FRRS1L: variants seen among roughly 807,000 people sequenced by gnomAD.
FRRS1L encodes the protein ferric chelate reductase 1 like.
In FRRS1L, 22 loss-of-function variants were observed where a neutral mutation model predicts 28.6. The observed-to-expected ratio is 0.77, with a 90% CI of 0.55 to 1.10. The LOEUF (loss-of-function observed/expected upper bound fraction) is 1.10. FRRS1L is among the 50% of genes least tolerant of loss of function. The pLI is 0.00. For missense variants in FRRS1L, 380 were observed against 386.9 expected (o/e 0.98, Z 0.15); for synonymous variants, 158 against 151.4 (o/e 1.04, Z -0.32).
In FRRS1L at chr9:109,147,092, C is replaced by G. The variant is rs749136221; in HGVS notation, c.421G>C (p.Asp141His). Reference protein sequence around the residue: ...DVEFELSADTDGWVAVGFSSD... With the variant: ...DVEFELSADTHGWVAVGFSSD... The stretch of plus-strand genomic sequence containing the variant: ...GAGAATCCAACTGCTACCCAACCAT[C>G]TGTGTCTGCACTCAGCTCAAATTCT... The change falls in exon 3 of 5, where the codon GAT (aspartate) becomes CAT (histidine). Residue 141 changes from aspartate (D) to histidine (H), a missense_variant. Coordinates refer to ENST00000561981, the MANE Select transcript of FRRS1L (RefSeq NM_014334.4). The G allele has an allele frequency of 1.9e-6, 3 of 1,613,990 alleles. No individual in the cohort carries two copies. In the South Asian group the frequency reaches 3.3e-5, roughly 18 times the overall value.
In FRRS1L at chr9:109,147,138, G is replaced by A. The variant is rs1229623829; in HGVS notation, c.375C>T (p.Tyr125=). ...NAETCDYFLS[Y]RMIGADVEFE... ...ATTCTACATCAGCCCCTATCATCCG[G>A]TAGCTGAGGAAATAGTCACAGGTCT... Residue 125 remains tyrosine, a synonymous_variant, in exon 3 of 5, where the codon TAC becomes TAT. Coordinates refer to ENST00000561981, the MANE Select transcript of FRRS1L (RefSeq NM_014334.4). 1 of 1,613,222 alleles carries A rather than the reference G, an allele frequency of 6.2e-7. No individual in the cohort carries two copies. Among genetic ancestry groups the A allele is most frequent in the Admixed American group, 1.7e-5 (1 of 59,994 alleles).
intron 3 of FRRS1L, among the ~76,000 whole-genome samples, chr9:109,144,076 G>A (rs1279284982): frequency 8.5e-5 from 13 of 152,064 alleles, no homozygotes; most frequent in Admixed American, 8.5e-4. Flanking sequence ...AATGCATTTA[G>A]GACAGGAAGT....
At chr9:109,149,163 T>C (rs573478412) in intron 2 of FRRS1L, among the ~76,000 whole-genome samples, 24 of 152,320 alleles carry the variant, frequency 1.6e-4, no homozygotes, top group Admixed American at 7.2e-4. Context: ...CTAATAATCA[T>C]GTAGAGACTC....
chr9:109,159,220 T>A (rs1831449918), intron 1 of FRRS1L, among the ~76,000 whole-genome samples: 1 of 143,202 alleles, frequency 7.0e-6, no homozygotes, highest in African/African-American at 2.6e-5. Flanking sequence ...CTCTGCTATG[T>A]CTAAGGTTCC....
chr9:109,147,180 T>C lies in FRRS1L; in HGVS notation c.333A>G (p.Lys111=). 6.2e-7 allele frequency: 1 copy of C among 1,613,546 alleles called. No individual in the cohort carries two copies. Among genetic ancestry groups the C allele is most frequent in the South Asian group, 1.1e-5 (1 of 91,056 alleles). The change falls in exon 3 of 5, where the codon AAA becomes AAG. Residue 111 remains lysine, a synonymous_variant. Transcript: ENST00000561981. ...CACAGGTCTCTGCATTACAGCCTGG[T>C]TTGCCATATCTAGAAGAGATATCGA... ...GKTKGCFRYG[K]PGCNAETCDY... is the part of the protein sequence containing the mutation.
At chr9:109,141,120 T>C in intron 4 of FRRS1L, 1 of 587,460 alleles carries the variant, frequency 1.7e-6, no homozygotes. Flanking sequence ...CTTGTACTGC[T>C]GTAGCTTTGC....
At chr9:109,166,810 C>T (rs1178277199) in intron 1 of FRRS1L, 91 bp downstream of exon 1, 5 of 185,272 alleles carry the variant, frequency 2.7e-5, no homozygotes, top group African/African-American at 1.3e-4. Flanking sequence ...ACCCCCTCCC[C>T]CTCCCTCGCC....
intron 1 of FRRS1L, among the ~76,000 whole-genome samples, chr9:109,155,703 C>CAAAAAAA (rs539557102): frequency 3.7e-5 from 3 of 81,042 alleles, no homozygotes; most frequent in African/African-American, 1.5e-4. Flanking sequence ...GACTCCATCT[C>CAAAAAAA]AAAAAAAAAA....
At chr9:109,156,456 T>C (rs1588102794) in intron 1 of FRRS1L, among the ~76,000 whole-genome samples, 5 of 151,132 alleles carry the variant, frequency 3.3e-5, no homozygotes, top group Admixed American at 3.3e-4. Context: ...TGGCACGATC[T>C]CGCCTCACTG....
chr9:109,145,162 G>T (rs1039106892), intron 3 of FRRS1L, among the ~76,000 whole-genome samples: 5 of 152,158 alleles, frequency 3.3e-5, no homozygotes, highest in African/African-American at 1.2e-4. Context: ...GCCTGGCCCA[G>T]TGAAGTGGCA....
intron 4 of FRRS1L, 127 bp downstream of exon 4, chr9:109,141,214 ATC>A (rs1164429068): frequency 3.8e-5 from 37 of 967,608 alleles, no homozygotes; most frequent in Non-Finnish European, 5.6e-5. Flanking sequence ...TAGGAGTCGC[ATC>A]TCCTTTTCCT....
chr9:109,161,662 G>A (rs1054135634), intron 1 of FRRS1L, among the ~76,000 whole-genome samples: 2 of 152,112 alleles, frequency 1.3e-5, no homozygotes, highest in Admixed American at 1.3e-4. Context: ...ACTCTACTGG[G>A]TGGTTAATGG....
intron 1 of FRRS1L, among the ~76,000 whole-genome samples, chr9:109,165,429 G>C (rs1831536007): frequency 6.6e-6 from 1 of 152,220 alleles, no homozygotes. Flanking sequence ...AGAGCAACAA[G>C]ATGGAAAGAA....
At chr9:109,140,551 CATAA>C (rs1029049710) in intron 4 of FRRS1L, 2 of 152,130 alleles carry the variant, frequency 1.3e-5, no homozygotes, top group African/African-American at 4.8e-5. Context: ...TTCCTATACA[CATAA>C]ATATTTAAGG....
intron 3 of FRRS1L, among the ~76,000 whole-genome samples, chr9:109,145,163 T>G (rs1831242298): frequency 2.6e-5 from 4 of 152,006 alleles, no homozygotes; most frequent in Admixed American, 2.0e-4. Context: ...CCTGGCCCAG[T>G]GAAGTGGCAA....
chr9:109,146,912 A>AT (rs764741275), intron 3 of FRRS1L, 139 bp downstream of exon 3: 21 of 782,404 alleles, frequency 2.7e-5, no homozygotes, highest in Non-Finnish European at 3.5e-5. Context: ...GCTAGCCTGA[A>AT]TTTTTTTTAA....
In FRRS1L at chr9:109,141,228, T is replaced by C. The variant is rs189242360; in HGVS notation, c.709+115A>G. ...GTAGGAGTCGCATCTCCTTTTCCTT[T>C]AAATGATCCAGAGTGCTTATCGCTC... On this transcript the variant is annotated intron_variant, in intron 4 of 4. Transcript: ENST00000561981. 91 of 1,179,606 alleles carry C rather than the reference T, an allele frequency of 7.7e-5. No individual in the cohort carries two copies. In the East Asian group the frequency reaches 2.1e-3, roughly 28 times the overall value. 73.1% of individuals were successfully genotyped at this position (1,179,606 alleles called of 1,614,324 possible).
chr9:109,146,700 C>G (rs1831266363), intron 3 of FRRS1L, among the ~76,000 whole-genome samples: 3 of 152,150 alleles, frequency 2.0e-5, no homozygotes, highest in African/African-American at 7.2e-5. Context: ...GGACAGGCGT[C>G]AAGTCCAGAT....
At chr9:109,161,143 T>C (rs1831475735) in intron 1 of FRRS1L, among the ~76,000 whole-genome samples, 2 of 151,970 alleles carry the variant, frequency 1.3e-5, no homozygotes, top group African/African-American at 4.8e-5. Context: ...CAGCATTCCA[T>C]CTCCCCTACA....
Sources: allele counts gnomAD v4.1 joint callset (sites outside exome capture counted in the v4.1 genomes callset), GRCh38; gene constraint gnomAD v4.1.1; transcripts MANE v1.5; gene names NCBI Gene and HGNC (gene_info 2026-07-23, HGNC 2026-07-21).